The following ERBB4 variants were observed in gnomAD, a reference collection of about 807,000 sequenced individuals.
ERBB4 encodes the protein receptor tyrosine-protein kinase erbB-4.
Under a neutral mutation model 158.0 loss-of-function variants are expected in ERBB4, and 42 were observed. The observed-to-expected ratio is 0.27, with a 90% CI of 0.21 to 0.34. The LOEUF (loss-of-function observed/expected upper bound fraction) is 0.34, where lower values mean the gene tolerates loss of function less well. Among genes scored for constraint, ERBB4 ranks in the 10% least tolerant of loss-of-function variants. The pLI, the probability that ERBB4 is intolerant of heterozygous loss-of-function variation, is 1.00. For synonymous variants in ERBB4, 583 were observed against 558.7 expected (o/e 1.04, Z -0.61); for missense variants, 1,333 against 1,624.1 (o/e 0.82, Z 3.08).
At chr2:211,786,358 A>G (rs75945224) in intron 4 of ERBB4, among the ~76,000 whole-genome samples, 4 of 152,238 alleles carry the variant, frequency 2.6e-5, no homozygotes, top group East Asian at 3.8e-4. Context: ...CATGCAGTAC[A>G]TATAATGTGT....
chr2:212,526,659 T>C (rs1011862286), intron 1 of ERBB4, among the ~76,000 whole-genome samples: 1 of 151,510 alleles, frequency 6.6e-6, no homozygotes. Flanking sequence ...TGTTAACATA[T>C]TAGTTAAAAA....
At chr2:212,215,805 T>C (rs550777196) in intron 1 of ERBB4, among the ~76,000 whole-genome samples, 18 of 151,596 alleles carry the variant, frequency 1.2e-4, no homozygotes, top group African/African-American at 4.3e-4. Flanking sequence ...GAATTTTTGC[T>C]TTTCCTTTGG....
intron 3 of ERBB4, among the ~76,000 whole-genome samples, chr2:211,810,635 C>G (rs143564209): frequency 1.4e-5 from 2 of 147,852 alleles, no homozygotes; most frequent in Non-Finnish European, 3.0e-5. Context: ...TGGGTCTTGA[C>G]TCTTTATCCA....
chr2:212,206,807 C>G (rs1250602252), intron 1 of ERBB4, among the ~76,000 whole-genome samples: 1 of 151,780 alleles, frequency 6.6e-6, no homozygotes, highest in African/African-American at 2.4e-5. Context: ...CCAGGATGGT[C>G]TCCATCTCCT....
chr2:211,642,062 A>G (rs886586520), intron 16 of ERBB4, among the ~76,000 whole-genome samples: 1 of 152,058 alleles, frequency 6.6e-6, no homozygotes, highest in Non-Finnish European at 1.5e-5. Context: ...CAATTCTTCC[A>G]CTTGATGTGA....
At chr2:211,824,714 TAA>T (rs10546103) in intron 3 of ERBB4, among the ~76,000 whole-genome samples, 4,156 of 151,972 alleles carry the variant, frequency 0.027, 190 homozygotes, top group African/African-American at 0.095. Flanking sequence ...CAAAATTAGA[TAA>T]GACTTAATAA....
intron 3 of ERBB4, among the ~76,000 whole-genome samples, chr2:211,817,514 T>G (rs2076904683): frequency 6.6e-6 from 1 of 152,188 alleles, no homozygotes; most frequent in Non-Finnish European, 1.5e-5. Flanking sequence ...GGACAAAACT[T>G]TGAAAAGGTA....
Position 212,321,695 on chromosome 2 carries a change from A to T in ERBB4, c.83-196792T>A, listed in dbSNP as rs542036689. ...GAGAGCAAGATTCTTTCTCAAAAAG[A>T]TAAAACAAGAAAATAAATAAAACCA... On this transcript the variant is annotated intron_variant, in intron 1 of 27. Transcript: ENST00000342788. Among the ~76,000 whole-genome samples the T allele has an allele frequency of 2.0e-4, 30 of 150,796 alleles. 1 individual carries two copies. Among genetic ancestry groups the T allele is most frequent in the Admixed American group, 1.5e-3 (23 of 15,110 alleles).
intron 22 of ERBB4, 27 bp from the exon 23 acceptor site, chr2:211,424,328 A>C: frequency 6.4e-7 from 1 of 1,574,740 alleles, no homozygotes; most frequent in Non-Finnish European, 8.7e-7. Context: ...ATTCTTACTT[A>C]AGCATATTAA....
At chr2:212,056,499 A>C (rs2077574408) in intron 2 of ERBB4, among the ~76,000 whole-genome samples, 2 of 152,236 alleles carry the variant, frequency 1.3e-5, no homozygotes, top group African/African-American at 2.4e-5. Context: ...AGTTGAAATG[A>C]AGGAAAAAAT....
At chr2:211,601,698 C>T (rs1322737124) in intron 19 of ERBB4, among the ~76,000 whole-genome samples, 1 of 151,856 alleles carries the variant, frequency 6.6e-6, no homozygotes, top group African/African-American at 2.4e-5. Flanking sequence ...GAATTTCATA[C>T]CCAGGCAAAC....
At chr2:212,055,677 T>C (rs1008573349) in intron 2 of ERBB4, among the ~76,000 whole-genome samples, 14 of 152,182 alleles carry the variant, frequency 9.2e-5, no homozygotes, top group Admixed American at 7.9e-4. Context: ...GGATTTGGAG[T>C]GGACCTCCAG....
intron 2 of ERBB4, among the ~76,000 whole-genome samples, chr2:211,948,431 T>C (rs1306437302): frequency 3.0e-5 from 2 of 67,612 alleles, no homozygotes; most frequent in African/African-American, 6.8e-5. Flanking sequence ...TGAGACTCTG[T>C]CTCACAAAAA....
intron 1 of ERBB4, among the ~76,000 whole-genome samples, chr2:212,511,416 C>T (rs778119672): frequency 6.6e-6 from 1 of 152,096 alleles, no homozygotes; most frequent in Non-Finnish European, 1.5e-5. Flanking sequence ...AAGAAAGAGT[C>T]GCTTAGTTTA....
At chr2:212,473,922 C>T (rs1489329460) in intron 1 of ERBB4, among the ~76,000 whole-genome samples, 2 of 151,950 alleles carry the variant, frequency 1.3e-5, no homozygotes, top group Non-Finnish European at 2.9e-5. Flanking sequence ...GTTTTAATAT[C>T]CATATTAATC....
chr2:211,886,941 A>T (rs1559613679), intron 3 of ERBB4, among the ~76,000 whole-genome samples: 1 of 152,204 alleles, frequency 6.6e-6, no homozygotes, highest in Admixed American at 6.5e-5. Context: ...GAATTTCTTC[A>T]CTTGTTCCTT....
chr2:211,587,585 C>T (rs2068324241), intron 19 of ERBB4, among the ~76,000 whole-genome samples: 1 of 151,948 alleles, frequency 6.6e-6, no homozygotes, highest in Non-Finnish European at 1.5e-5. Flanking sequence ...CTGCCAACAC[C>T]ATCATTTTGG....
chr2:211,428,498 GAAGTAA>G lies in ERBB4; in HGVS notation c.2644-21_2644-16del, dbSNP rs779371860. On this transcript the variant is annotated splice_polypyrimidine_tract_variant and intron_variant, in intron 21 of 27. Coordinates refer to ENST00000342788, the MANE Select transcript of ERBB4 (RefSeq NM_005235.3). ...TTAATTGGCATCTATAGAGAAGTAA[GAAGTAA>G]AAGTTTTAAAATTACATTAAAAATT... The G allele has an allele frequency of 1.4e-6, 2 of 1,407,856 alleles. No homozygotes were observed. Among genetic ancestry groups the G allele is most frequent in the South Asian group, 1.2e-5 (1 of 86,262 alleles). The allele number at this position is 1,407,856 out of a possible 1,614,324, so 87.2% of individuals were successfully genotyped here.
At chr2:211,636,862 T>C (rs1279570346) in intron 16 of ERBB4, among the ~76,000 whole-genome samples, 4 of 151,968 alleles carry the variant, frequency 2.6e-5, no homozygotes, top group African/African-American at 9.7e-5. Context: ...AATAAATGCA[T>C]TGCTAATGAC....
Sources: allele counts gnomAD v4.1 joint callset (sites outside exome capture counted in the v4.1 genomes callset), GRCh38; gene constraint gnomAD v4.1.1; transcripts MANE v1.5; gene names NCBI Gene and HGNC (gene_info 2026-07-23, HGNC 2026-07-21).